The following SCN3A variants were observed in gnomAD, a reference collection of about 807,000 sequenced individuals.
SCN3A encodes sodium voltage-gated channel alpha subunit 3, also known as sodium channel protein type 3 subunit alpha.
A neutral mutation model predicts 187.6 loss-of-function variants in SCN3A; 60 were observed. The observed-to-expected ratio is 0.32, with a 90% confidence interval of 0.26 to 0.40. SCN3A has a LOEUF of 0.40. SCN3A is among the 10% of genes least tolerant of loss of function. SCN3A has a pLI of 1.00. For synonymous variants in SCN3A, 788 were observed against 829.2 expected (o/e 0.95, Z 0.85); for missense variants, 1,601 against 2,428.2 (o/e 0.66, Z 7.16).
At position 165,112,868 on chromosome 2, in the gene SCN3A, T is replaced by C. The variant is rs758262267; in HGVS notation, c.3843+17A>G. On this transcript the variant is annotated intron_variant, in intron 21 of 27. Transcript: ENST00000283254. ...TCTTTTAAAAACAATTTTATAAAAA[T>C]CACTTAAAATACTTACATCAACGAT... 2.5e-6 allele frequency: 4 copies of C among 1,607,450 alleles called. No homozygotes were observed. Among genetic ancestry groups the C allele is most frequent in the Non-Finnish European group, 3.4e-6 (4 of 1,176,078 alleles).
intron 15 of SCN3A, 140 bp from the exon 16 acceptor site, chr2:165,131,557 G>T (rs1435854083): frequency 2.3e-6 from 1 of 437,018 alleles, no homozygotes; most frequent in Non-Finnish European, 4.0e-6. Context: ...TCAAGTCTTA[G>T]TTTTTTTATT....
chr2:165,148,373 A>G (rs1688482670), intron 11 of SCN3A, among the ~76,000 whole-genome samples: 1 of 152,136 alleles, frequency 6.6e-6, no homozygotes, highest in African/African-American at 2.4e-5. Flanking sequence ...AACAGTCTAT[A>G]TAACAACATA....
chr2:165,146,897 T>A lies in SCN3A; in HGVS notation c.1513A>T (p.Lys505Ter). 1.9e-6 allele frequency: 3 copies of A among 1,614,118 alleles called. No individual in the cohort carries two copies. Among genetic ancestry groups the A allele is most frequent in the Non-Finnish European group, 1.7e-6 (2 of 1,179,970 alleles). The change falls in exon 12 of 28, where the codon AAA (lysine) becomes TAA (stop). Residue 505 changes from lysine (K) to a stop codon, truncating the protein, a stop_gained. Coordinates refer to ENST00000283254, the MANE Select transcript of SCN3A (RefSeq NM_006922.4). LOFTEE classifies it high-confidence loss of function. The stretch of plus-strand genomic sequence containing the variant: ...TCAAGGTGCTCTCTCTGTCTTCTTT[T>A]CTTCCTTCGGTTCCTCCATTCTTTA... ...SAKEWRNRRK[K>*]RRQREHLEGN...
chr2:165,183,732 G>A (rs1000879177), intron 2 of SCN3A, among the ~76,000 whole-genome samples: 3 of 151,968 alleles, frequency 2.0e-5, no homozygotes, highest in African/African-American at 7.3e-5. Context: ...TCTCTCTGTC[G>A]GGATTTTTAT....
intron 12 of SCN3A, among the ~76,000 whole-genome samples, chr2:165,143,716 C>A (rs1459784712): frequency 6.6e-6 from 1 of 152,136 alleles, no homozygotes; most frequent in African/African-American, 2.4e-5. Context: ...ACATATTTCC[C>A]AGGTATCTTT....
intron 11 of SCN3A, among the ~76,000 whole-genome samples, chr2:165,153,281 T>C (rs1033565280): frequency 6.6e-6 from 1 of 152,124 alleles, no homozygotes; most frequent in African/African-American, 2.4e-5. Context: ...TCATATGTTA[T>C]ACAAAAATTA....
At chr2:165,134,840 T>C (rs1202257534) in intron 15 of SCN3A, among the ~76,000 whole-genome samples, 1 of 152,000 alleles carries the variant, frequency 6.6e-6, no homozygotes, top group Non-Finnish European at 1.5e-5. Context: ...TCCAGGTAAA[T>C]AATCTACAAA....
chr2:165,095,896 G>A (rs532402866), intron 24 of SCN3A, among the ~76,000 whole-genome samples: 17 of 151,938 alleles, frequency 1.1e-4, no homozygotes, highest in African/African-American at 3.4e-4. Flanking sequence ...ACATAAATAC[G>A]GTGATATAAG....
At chr2:165,129,051 A>G (rs965959283) in intron 17 of SCN3A, among the ~76,000 whole-genome samples, 13 of 152,212 alleles carry the variant, frequency 8.5e-5, no homozygotes, top group Admixed American at 8.5e-4. Context: ...TTACTTCTGT[A>G]TCAGATTTTT....
chr2:165,149,593 G>T lies in SCN3A; in HGVS notation c.1381-2564C>A, dbSNP rs115827861. ...AGGTAACCTCAGACACATTTTCTGT[G>T]TCACTCATCAACTCAAATCTGTCAT... On this transcript the variant is annotated intron_variant, in intron 11 of 27. Transcript: ENST00000283254. Among the ~76,000 whole-genome samples the T allele has an allele frequency of 2.1e-3, 319 of 152,304 alleles. 1 individual carries two copies. The highest frequency in any genetic ancestry group is 3.5e-3 in the Admixed American group (54 of 15,290).
chr2:165,174,704 A>G (rs571499111), intron 3 of SCN3A, among the ~76,000 whole-genome samples: 4 of 152,274 alleles, frequency 2.6e-5, no homozygotes, highest in African/African-American at 7.2e-5. Flanking sequence ...ATTTTGTCCA[A>G]TTTCTTGGGG....
At chr2:165,105,131 T>G (rs1214654920) in intron 21 of SCN3A, among the ~76,000 whole-genome samples, 1 of 152,126 alleles carries the variant, frequency 6.6e-6, no homozygotes. Flanking sequence ...ACAGAACTGA[T>G]TAAAATTTTG....
intron 3 of SCN3A, among the ~76,000 whole-genome samples, chr2:165,171,692 T>C (rs141700909): frequency 4.6e-5 from 7 of 152,188 alleles, no homozygotes; most frequent in Non-Finnish European, 1.0e-4. Context: ...CACTCCCTAA[T>C]TGTTTCTCTT....
Position 165,162,747 on chromosome 2 carries a change from C to T in SCN3A, c.776G>A (p.Ser259Asn). ...DVMILTVFCL[S>N]VFALIGLQLF... ...CTGCAGCCCAATGAGAGCAAACACG[C>T]TCAGACAGAACACAGTCAGGATCAT... is the stretch of plus-strand genomic sequence containing the variant. Residue 259 changes from serine to asparagine, a missense_variant, in exon 8 of 28, where the codon AGC becomes AAC. Coordinates refer to ENST00000283254, the MANE Select transcript of SCN3A (RefSeq NM_006922.4). 2 of 1,614,124 alleles carry T rather than the reference C, an allele frequency of 1.2e-6. No individual in the cohort carries two copies. Among genetic ancestry groups the T allele is most frequent in the Non-Finnish European group, 1.7e-6 (2 of 1,180,002 alleles).
rs763379016 is a variant in SCN3A, at chr2:165,100,272, A to G, written c.3966+30T>C. 5 of 1,610,104 alleles carry G rather than the reference A, an allele frequency of 3.1e-6. No homozygotes were observed. The South Asian group carries it at 5.5e-5, about 18-fold the overall frequency. ...ATCATTACCTACATGTAATTTTGAC[A>G]TGAATAATTAGAGTGTCTATTCTTC... is the stretch of plus-strand genomic sequence containing the variant. On this transcript the variant is annotated intron_variant, in intron 22 of 27. Transcript: ENST00000283254.
Position 165,090,523 on chromosome 2 carries a change from C to T in SCN3A, c.5630G>A (p.Arg1877Lys), listed in dbSNP as rs1259899127. 3 of 1,613,852 alleles carry T rather than the reference C, an allele frequency of 1.9e-6. No individual in the cohort carries two copies. The highest frequency in any genetic ancestry group is 8.5e-7 in the Non-Finnish European group (1 of 1,179,976). Residue 1877 changes from arginine (R) to lysine (K), a missense_variant, in exon 28 of 28, where the codon AGG becomes AAG. This residue lies in a region of SCN3A where 110 missense variants were observed against 175.9 expected (regional missense o/e 0.63). Coordinates refer to ENST00000283254, the MANE Select transcript of SCN3A (RefSeq NM_006922.4). The surrounding 1 kb of genome is among the most constrained non-coding windows in gnomAD (Gnocchi z 4.0). ...TTTGGAGGGGTTTGATGCCATAAACCTGTCTTCCATCTGTATTCGAAGGGC... is the reference window on the plus strand; with the variant it reads ...TTTGGAGGGGTTTGATGCCATAAACTTGTCTTCCATCTGTATTCGAAGGGC... Reference protein sequence around the residue: ...MDALRIQMEDRFMASNPSKVS... With the variant: ...MDALRIQMEDKFMASNPSKVS...
chr2:165,164,700 A>C (rs1689629624), intron 5 of SCN3A, among the ~76,000 whole-genome samples, 180 bp from the exon 6 acceptor site: 2 of 152,176 alleles, frequency 1.3e-5, no homozygotes, highest in Admixed American at 6.5e-5. Flanking sequence ...GCAAAGAGTT[A>C]AACTGAAGAG....
intron 18 of SCN3A, among the ~76,000 whole-genome samples, chr2:165,118,441 A>T (rs1686479780): frequency 6.6e-6 from 1 of 152,228 alleles, no homozygotes; most frequent in Admixed American, 6.5e-5. Context: ...GCAAGCTCCC[A>T]GGACTCTTAT....
At chr2:165,102,220 G>T (rs1295878058) in intron 21 of SCN3A, among the ~76,000 whole-genome samples, 1 of 152,204 alleles carries the variant, frequency 6.6e-6, no homozygotes, top group Non-Finnish European at 1.5e-5. Context: ...GCTTTGAAAA[G>T]AAAAGTAAAA....
Sources: gnomAD v4.1 joint callset for allele counts (sites outside exome capture counted in the v4.1 genomes callset) on GRCh38, gnomAD v4.1.1 for gene constraint, gnomAD v4.1.1 regional missense constraint, Gnocchi (gnomAD v3.1) non-coding constraint, MANE v1.5 for transcripts, NCBI Gene and HGNC (gene_info 2026-07-23, HGNC 2026-07-21) for gene names.